The following ANKRD6 variants were observed in gnomAD, a reference collection of about 807,000 sequenced individuals.
ANKRD6 encodes ankyrin repeat domain 6, also known as ankyrin repeat domain-containing protein 6.
Under a neutral mutation model 82.3 loss-of-function variants are expected in ANKRD6, and 56 were observed. The observed-to-expected ratio is 0.68, with a 90% CI of 0.55 to 0.85. ANKRD6 has a LOEUF of 0.85. Ranked by LOEUF, ANKRD6 falls within the 40% of genes least tolerant of loss-of-function variation. The pLI is 0.00. For missense variants in ANKRD6, 852 were observed against 907.6 expected (o/e 0.94, Z 0.79); for synonymous variants, 347 against 352.1 (o/e 0.99, Z 0.16).
chr6:89,585,566 A>G (rs762033247), intron 2 of ANKRD6, among the ~76,000 whole-genome samples: 8 of 152,256 alleles, frequency 5.3e-5, no homozygotes, highest in Non-Finnish European at 1.0e-4. Flanking sequence ...ACTTAGTCTA[A>G]TTAGCATAGG....
intron 1 of ANKRD6, among the ~76,000 whole-genome samples, chr6:89,434,306 A>G (rs896652085): frequency 1.3e-5 from 2 of 152,142 alleles, no homozygotes. Flanking sequence ...TGTGTGTTAG[A>G]CACCTTTTGC....
At chr6:89,550,374 C>T (rs767897303) in intron 1 of ANKRD6, among the ~76,000 whole-genome samples, 2 of 151,954 alleles carry the variant, frequency 1.3e-5, no homozygotes, top group Admixed American at 6.6e-5. Flanking sequence ...AGAATCATAA[C>T]AATATTGGAT....
At chr6:89,467,056 C>G (rs1356678946) in intron 1 of ANKRD6, among the ~76,000 whole-genome samples, 1 of 151,916 alleles carries the variant, frequency 6.6e-6, no homozygotes, top group Non-Finnish European at 1.5e-5. Context: ...AGATTTTTTT[C>G]AAGCAAGCTG....
Position 89,590,570 on chromosome 6 carries a change from A to G in ANKRD6, c.121-5346A>G, listed in dbSNP as rs1427763276. Among the ~76,000 whole-genome samples the G allele has an allele frequency of 2.0e-5, 3 of 152,122 alleles. No homozygotes were observed. The East Asian group carries it at 5.8e-4, about 29-fold the overall frequency. ...AAAAAATCAGGTTATTTTTAAACAAACCCCAGAGGTTAGTGGCTGGGCTAA... is the reference window on the plus strand; with the variant it reads ...AAAAAATCAGGTTATTTTTAAACAAGCCCCAGAGGTTAGTGGCTGGGCTAA... On this transcript the variant is annotated intron_variant, in intron 2 of 15. Coordinates refer to ENST00000339746, the MANE Select transcript of ANKRD6 (RefSeq NM_001242809.2).
At chr6:89,557,074 A>T (rs922239057) in intron 1 of ANKRD6, among the ~76,000 whole-genome samples, 3 of 152,168 alleles carry the variant, frequency 2.0e-5, no homozygotes, top group Non-Finnish European at 4.4e-5. Flanking sequence ...AGCTAGATGA[A>T]AGATGGAGCC....
At chr6:89,475,556 TG>T (rs1775947279) in intron 1 of ANKRD6, among the ~76,000 whole-genome samples, 1 of 152,210 alleles carries the variant, frequency 6.6e-6, no homozygotes, top group Non-Finnish European at 1.5e-5. Flanking sequence ...ATAGAAAAAC[TG>T]GGCAACAAAT....
chr6:89,550,219 T>TG (rs1286685637), intron 1 of ANKRD6, among the ~76,000 whole-genome samples: 2 of 152,078 alleles, frequency 1.3e-5, no homozygotes, highest in Non-Finnish European at 2.9e-5. Context: ...CCAAGAGACA[T>TG]GCATATAAGA....
chr6:89,479,455 C>T (rs7767872), intron 1 of ANKRD6, among the ~76,000 whole-genome samples: 1 of 152,086 alleles, frequency 6.6e-6, no homozygotes, highest in Non-Finnish European at 1.5e-5. Flanking sequence ...GCTTTCCTGG[C>T]TCATTGAATC....
At chr6:89,434,978 T>A (rs187245140) in intron 1 of ANKRD6, among the ~76,000 whole-genome samples, 3 of 152,280 alleles carry the variant, frequency 2.0e-5, no homozygotes, top group African/African-American at 4.8e-5. Flanking sequence ...ATGGTAATTT[T>A]TAAAAATGTG....
intron 1 of ANKRD6, among the ~76,000 whole-genome samples, chr6:89,556,108 C>A (rs990938228): frequency 2.0e-5 from 3 of 152,252 alleles, no homozygotes; most frequent in African/African-American, 7.2e-5. Context: ...GCAGTCTGCC[C>A]CCTGGCAAGT....
At chr6:89,441,561 T>C (rs2127937363) in intron 1 of ANKRD6, among the ~76,000 whole-genome samples, 1 of 151,304 alleles carries the variant, frequency 6.6e-6, no homozygotes, top group Middle Eastern at 3.4e-3. Context: ...GTAAAGCATT[T>C]AAAGAGGTTT....
chr6:89,550,819 G>A (rs909606245), intron 1 of ANKRD6, among the ~76,000 whole-genome samples: 2 of 152,146 alleles, frequency 1.3e-5, no homozygotes, highest in Non-Finnish European at 2.9e-5. Context: ...AGCAGGGCAT[G>A]GTGGCGGGCG....
At chr6:89,510,404 T>C (rs1444521109) in intron 1 of ANKRD6, among the ~76,000 whole-genome samples, 1 of 151,934 alleles carries the variant, frequency 6.6e-6, no homozygotes, top group African/African-American at 2.4e-5. Flanking sequence ...TTTAGCCTCA[T>C]TGGGAAGCAT....
At chr6:89,532,111 A>G (rs1013399871) in intron 1 of ANKRD6, among the ~76,000 whole-genome samples, 9 of 152,178 alleles carry the variant, frequency 5.9e-5, no homozygotes, top group African/African-American at 2.2e-4. Flanking sequence ...CCTTAACTGA[A>G]TGGATGAGGC....
At chr6:89,616,680 T>C (rs763452895) in intron 8 of ANKRD6, 23 bp downstream of exon 8, 7 of 1,611,294 alleles carry the variant, frequency 4.3e-6, no homozygotes, top group Middle Eastern at 1.7e-4. Flanking sequence ...GCAACATTGC[T>C]TTCTAAAGTG....
chr6:89,450,527 A>G (rs1169923702), intron 1 of ANKRD6, among the ~76,000 whole-genome samples: 1 of 152,102 alleles, frequency 6.6e-6, no homozygotes, highest in Non-Finnish European at 1.5e-5. Flanking sequence ...ATCTTTATTT[A>G]TATATTTTTC....
chr6:89,554,141 C>A (rs1170643878), intron 1 of ANKRD6, among the ~76,000 whole-genome samples: 1 of 152,208 alleles, frequency 6.6e-6, no homozygotes, highest in Non-Finnish European at 1.5e-5. Flanking sequence ...ACTGCCGTAA[C>A]AAACCACTGC....
In ANKRD6 at chr6:89,596,000, G is replaced by T; in HGVS notation, c.205G>T (p.Asp69Tyr). The change falls in exon 3 of 16, where the codon GAT (aspartate) becomes TAT (tyrosine). Residue 69 changes from aspartate to tyrosine, a missense_variant. Asp to Tyr is a radical substitution (Grantham distance 160). Transcript: ENST00000339746. Reference sequence around the variant, plus strand: ...CTTGCTGAAGGCTGGCTGCGACCTTGATGTCCAGGATGATGTGAGTAGAAG... The same window carrying T: ...CTTGCTGAAGGCTGGCTGCGACCTTTATGTCCAGGATGATGTGAGTAGAAG... ...QILLKAGCDL[D>Y]VQDDGDQTAL... 2 of 1,607,858 alleles carry T rather than the reference G, an allele frequency of 1.2e-6. No homozygotes were observed. The highest frequency in any genetic ancestry group is 1.7e-6 in the Non-Finnish European group (2 of 1,177,188).
intron 1 of ANKRD6, among the ~76,000 whole-genome samples, chr6:89,517,800 T>C (rs564158008): frequency 6.6e-6 from 1 of 152,310 alleles, no homozygotes; most frequent in South Asian, 2.1e-4. Context: ...GCTCTTGTTT[T>C]CCTAAGGGGG....
Sources: gnomAD v4.1 joint callset for allele counts (sites outside exome capture counted in the v4.1 genomes callset) on GRCh38, gnomAD v4.1.1 for gene constraint, MANE v1.5 for transcripts, NCBI Gene and HGNC (gene_info 2026-07-23, HGNC 2026-07-21) for gene names.